The following CHLSN variants were observed in gnomAD, a reference collection of about 807,000 sequenced individuals.
CHLSN encodes protein cholesin.
At chr7:1,008,952 C>T in the CHLSN span, among the ~76,000 whole-genome samples, 1 of 151,510 alleles carries the variant, frequency 6.6e-6, no homozygotes. Context: ...CACACCCCCT[C>T]ATGCGAACAC....
chr7:985,974 T>G, the CHLSN span, among the ~76,000 whole-genome samples: 1 of 151,914 alleles, frequency 6.6e-6, no homozygotes, highest in Non-Finnish European at 1.5e-5. Context: ...CTAGCCAGGG[T>G]GAGACCACCC....
chr7:1,108,280 C>T, the CHLSN span, among the ~76,000 whole-genome samples: 3 of 143,098 alleles, frequency 2.1e-5, no homozygotes, highest in South Asian at 2.2e-4. Context: ...TCCCGCACCC[C>T]GGGGGGAAGC....
chr7:1,107,797 C>T, the CHLSN span, among the ~76,000 whole-genome samples: 4 of 151,394 alleles, frequency 2.6e-5, no homozygotes, highest in Non-Finnish European at 2.9e-5. Flanking sequence ...AGTCCTGCAC[C>T]CCTGGAGGAA....
the CHLSN span, among the ~76,000 whole-genome samples, chr7:1,067,270 A>C: frequency 3.6e-5 from 4 of 110,196 alleles, no homozygotes; most frequent in African/African-American, 1.1e-4. Context: ...GCTGGAGTAC[A>C]CCCAGAGGTG....
the CHLSN span, among the ~76,000 whole-genome samples, chr7:1,018,978 C>G: frequency 1.3e-5 from 2 of 152,018 alleles, no homozygotes; most frequent in Admixed American, 6.6e-5. Context: ...GGTGGATCAT[C>G]TGAGTCAGGA....
chr7:1,085,376 T>C, the CHLSN span, among the ~76,000 whole-genome samples: 2 of 152,064 alleles, frequency 1.3e-5, no homozygotes, highest in Non-Finnish European at 2.9e-5. Flanking sequence ...GCCGAGACCA[T>C]GTGCTCAGAG....
the CHLSN span, among the ~76,000 whole-genome samples, chr7:1,008,835 A>G: frequency 7.3e-6 from 1 of 137,898 alleles, no homozygotes; most frequent in South Asian, 2.3e-4. Context: ...CACAACGTGT[A>G]TACACACGCA....
the CHLSN span, among the ~76,000 whole-genome samples, chr7:1,023,624 A>G: frequency 8.2e-6 from 1 of 122,384 alleles, no homozygotes; most frequent in South Asian, 2.9e-4. This position sits in a 1 kb window ranked among gnomAD's most constrained non-coding sequence, Gnocchi z 5.0. Context: ...CCTCCCAGGA[A>G]ACACACACAC....
the CHLSN span, among the ~76,000 whole-genome samples, chr7:1,063,544 C>T: frequency 3.9e-5 from 6 of 152,220 alleles, no homozygotes; most frequent in South Asian, 2.1e-4. Flanking sequence ...CACGAAGCGG[C>T]GCTGTTCTGC....
the CHLSN span, among the ~76,000 whole-genome samples, chr7:1,017,689 C>T: frequency 2.0e-5 from 3 of 152,234 alleles, no homozygotes; most frequent in South Asian, 6.2e-4. Flanking sequence ...TGGGATCACC[C>T]CAACACGTGA....
chr7:1,056,585 C>T, the CHLSN span: 1 of 152,844 alleles, frequency 6.5e-6, no homozygotes, highest in Middle Eastern at 3.4e-3. Flanking sequence ...TCCGTGCTCT[C>T]CACCTCCCGA....
chr7:980,684 CTTTTTT>C, the CHLSN span, among the ~76,000 whole-genome samples: 1 of 97,042 alleles, frequency 1.0e-5, no homozygotes, highest in Non-Finnish European at 2.0e-5. Flanking sequence ...GTAACAGTTA[CTTTTTT>C]TTTTTTTTTT....
the CHLSN span, among the ~76,000 whole-genome samples, chr7:1,048,536 G>C: frequency 6.6e-6 from 1 of 152,126 alleles, no homozygotes; most frequent in African/African-American, 2.4e-5. Flanking sequence ...TGCTGCTTCT[G>C]AACAGGCCTG....
chr7:1,025,235 T>C, the CHLSN span: 1,419 of 152,436 alleles, frequency 9.3e-3, 12 homozygotes, highest in Non-Finnish European at 0.012. Flanking sequence ...AACGGCTTCA[T>C]CACTGGAGTG....
At chr7:1,016,236 G>C in the CHLSN span, among the ~76,000 whole-genome samples, 3 of 62,076 alleles carry the variant, frequency 4.8e-5, no homozygotes, top group East Asian at 3.7e-4. Flanking sequence ...CCAGCACACA[G>C]CAGCACACAG....
At chr7:1,134,425 T>C in the CHLSN span, among the ~76,000 whole-genome samples, 1 of 150,366 alleles carries the variant, frequency 6.7e-6, no homozygotes, top group Non-Finnish European at 1.5e-5. Context: ...AATACAAAAA[T>C]TAGCCAGGTG....
At chr7:1,059,517 GTAGTGAGGCGGGTCT>G in the CHLSN span, among the ~76,000 whole-genome samples, 12 of 117,842 alleles carry the variant, frequency 1.0e-4, no homozygotes, top group African/African-American at 2.7e-4. Context: ...GGGCGGGTCT[GTAGTGAGGCGGGTCT>G]TAGTGAGGTG....
the CHLSN span, among the ~76,000 whole-genome samples, chr7:993,010 T>C: frequency 2.0e-5 from 3 of 149,786 alleles, no homozygotes; most frequent in Non-Finnish European, 4.4e-5. Flanking sequence ...GGGGAGGGGG[T>C]GGCCCATGGC....
chr7:1,005,698 C>T, the CHLSN span, among the ~76,000 whole-genome samples: 3 of 152,250 alleles, frequency 2.0e-5, no homozygotes, highest in Non-Finnish European at 2.9e-5. Flanking sequence ...GAAGCTAAGA[C>T]ACCATGCTGT....
Sources: gnomAD v4.1 joint callset for allele counts (sites outside exome capture counted in the v4.1 genomes callset) on GRCh38, gnomAD v4.1.1 for gene constraint, Gnocchi (gnomAD v3.1) non-coding constraint, MANE v1.5 for transcripts, NCBI Gene and HGNC (gene_info 2026-07-23, HGNC 2026-07-21) for gene names.